CNNM3: variants seen among roughly 807,000 people sequenced by gnomAD.
CNNM3 encodes cyclin and CBS domain divalent metal cation transport mediator 3.
In CNNM3, 47 loss-of-function variants were observed where a neutral mutation model predicts 57.1. That is an observed-to-expected ratio of 0.82 (90% CI 0.65 to 1.05). The LOEUF (loss-of-function observed/expected upper bound fraction) is 1.05. CNNM3 is among the 50% of genes least tolerant of loss of function. CNNM3 has a pLI of 0.00. For missense variants in CNNM3, 957 were observed against 973.7 expected (o/e 0.98, Z 0.23); for synonymous variants, 507 against 478.2 (o/e 1.06, Z -0.79).
At chr2:96,828,753 G>A (rs1053583140) in intron 6 of CNNM3, 53 bp downstream of exon 6, 23 of 1,607,278 alleles carry the variant, frequency 1.4e-5, no homozygotes, top group Admixed American at 1.7e-5. Flanking sequence ...TTGTGTCACC[G>A]GGGGCTAGAC....
At chr2:96,826,718 T>C in intron 2 of CNNM3, 115 bp from the exon 3 acceptor site, 2 of 1,259,904 alleles carry the variant, frequency 1.6e-6, no homozygotes, top group Non-Finnish European at 2.2e-6. Flanking sequence ...CCGATGCTGC[T>C]CCATCGAGGA....
At chr2:96,827,973 G>T in intron 4 of CNNM3, 73 bp downstream of exon 4, 1 of 1,578,728 alleles carries the variant, frequency 6.3e-7, no homozygotes, top group Non-Finnish European at 8.7e-7. Context: ...GAAGAGGGGA[G>T]CAGGGGCATG....
At position 96,829,129 on chromosome 2, in the gene CNNM3, CG is replaced by C. The variant is rs745544210; in HGVS notation, c.2056del (p.Ala686GlnfsTer44). 6.2e-7 allele frequency: 1 copy of C among 1,613,750 alleles called. No homozygotes were observed. Among genetic ancestry groups the C allele is most frequent in the Non-Finnish European group, 8.5e-7 (1 of 1,179,934 alleles). ...TRLLGEKTTT[A>X]AGSSHSRPGV... The stretch of plus-strand genomic sequence containing the variant: ...CTCCTTGGTGAGAAGACCACCACAG[CG>C]GCAGGTGAGTGCCAAGTGGTACATC... On this transcript the variant is annotated frameshift_variant, in exon 7 of 8. Transcript: ENST00000305510. LOFTEE classifies it high-confidence loss of function.
rs188953264 is a variant in CNNM3, at chr2:96,834,117, C to T, written c.*1501C>T. Among the ~76,000 whole-genome samples the T allele has an allele frequency of 5.5e-4, 84 of 151,948 alleles. No individual in the cohort carries two copies. The highest frequency in any genetic ancestry group is 6.8e-3 in the Middle Eastern group (2 of 294). The stretch of plus-strand genomic sequence containing the variant: ...ATTTTTAGTAGAGATGGGGTTTCAC[C>T]ATGTTGGCCAGGCTGATCTTGAACT... On this transcript the variant is annotated 3_prime_UTR_variant, in exon 8 of 8. Coordinates refer to ENST00000305510, the MANE Select transcript of CNNM3 (RefSeq NM_017623.5).
At chr2:96,832,321 A>C in intron 7 of CNNM3, 1 of 983,762 alleles carries the variant, frequency 1.0e-6, no homozygotes, top group African/African-American at 1.8e-5. Context: ...ATGACCTGGG[A>C]CCCTCGGGGC....
At chr2:96,828,399 A>C in intron 5 of CNNM3, 168 bp from the exon 6 acceptor site, 1 of 953,494 alleles carries the variant, frequency 1.0e-6, no homozygotes, top group African/African-American at 1.6e-5. Context: ...CACCCCTGCA[A>C]AACCTCTCCC....
chr2:96,827,018 C>G, intron 3 of CNNM3, 36 bp downstream of exon 3: 1 of 1,603,734 alleles, frequency 6.2e-7, no homozygotes, highest in South Asian at 1.1e-5. Flanking sequence ...CCCTGCTCTC[C>G]TCACCGTTCT....
chr2:96,828,623 C>T lies in CNNM3; in HGVS notation c.1843C>T (p.Pro615Ser). ...QPIRHDLQPD[P>S]GDGTHSSAYC... The stretch of plus-strand genomic sequence containing the variant: ...CATCCGCCATGACCTGCAGCCCGAC[C>T]CAGGTGACGGCACGCATTCATCTGC... The change falls in exon 6 of 8, where the codon CCA becomes TCA. Residue 615 changes from proline to serine, a missense_variant. By Grantham distance (74) the Pro-to-Ser change is moderately conservative (BLOSUM62 -1). Coordinates refer to ENST00000305510, the MANE Select transcript of CNNM3 (RefSeq NM_017623.5). 1 of 1,614,186 alleles carries T rather than the reference C, an allele frequency of 6.2e-7. No individual in the cohort carries two copies. The highest frequency in any genetic ancestry group is 8.5e-7 in the Non-Finnish European group (1 of 1,180,032).
Position 96,817,083 on chromosome 2 carries a change from TCG to T in CNNM3, c.810_811del (p.Leu271AlafsTer153). The T allele has an allele frequency of 1.5e-6, 2 of 1,347,666 alleles. No homozygotes were observed. The highest frequency in any genetic ancestry group is 1.9e-6 in the Non-Finnish European group (2 of 1,057,364). 83.5% of individuals were successfully genotyped at this position (1,347,666 alleles called of 1,614,324 possible). A position where few individuals can be genotyped will look rare whatever the true frequency, so the allele number is the denominator to read the frequency against. On this transcript the variant is annotated frameshift_variant, in exon 1 of 8. Coordinates refer to ENST00000305510, the MANE Select transcript of CNNM3 (RefSeq NM_017623.5). LOFTEE classifies it high-confidence loss of function. ...CTGGCCGTCCTGCTCACTCTGCCCGTCGCGCTGCCCGTGGGGCAGCTGCTGGA... is the reference window on the plus strand; with the variant it reads ...CTGGCCGTCCTGCTCACTCTGCCCGTCGCTGCCCGTGGGGCAGCTGCTGGA...
chr2:96,828,907 T>C, intron 6 of CNNM3, 89 bp from the exon 7 acceptor site: 2 of 1,570,364 alleles, frequency 1.3e-6, no homozygotes, highest in East Asian at 2.3e-5. Context: ...GTTGTGCCTC[T>C]GTCCTCTTCG....
In CNNM3 at chr2:96,825,162, A is replaced by T. The variant is rs975867468; in HGVS notation, c.1330A>T (p.Ile444Phe). ...LVTLEDVIEEIIRSEILDESE... is the reference protein window; with the variant it reads ...LVTLEDVIEEFIRSEILDESE... ...CACCCTGGAGGACGTGATCGAGGAG[A>T]TCATCAGGTCCGAGATCCTGGACGA... The change falls in exon 2 of 8, where the codon ATC (isoleucine) becomes TTC (phenylalanine). Residue 444 changes from isoleucine (I) to phenylalanine (F), a missense_variant. Transcript: ENST00000305510. 1.2e-6 allele frequency: 2 copies of T among 1,613,944 alleles called. No homozygotes were observed. Among genetic ancestry groups the T allele is most frequent in the African/African-American group, 1.3e-5 (1 of 74,902 alleles).
rs1267409943 is a variant in CNNM3 at position 96,832,923 on chromosome 2, G to A, written c.*307G>A. 1.4e-6 allele frequency: 2 copies of A among 1,428,034 alleles called. No homozygotes were observed. Among genetic ancestry groups the A allele is most frequent in the East Asian group, 3.2e-5 (1 of 31,122 alleles). The allele number at this position is 1,428,034 out of a possible 1,614,324, so 88.5% of individuals were successfully genotyped here. A position where few individuals can be genotyped will look rare whatever the true frequency, so the allele number is the denominator to read the frequency against. Reference sequence around the variant, plus strand: ...GCCCAGCCTTCCCCTTCTCCCCCGGGGCAGGGACAGTGCGGCATATTCAGA... The same window carrying A: ...GCCCAGCCTTCCCCTTCTCCCCCGGAGCAGGGACAGTGCGGCATATTCAGA... On this transcript the variant is annotated 3_prime_UTR_variant, in exon 8 of 8. Coordinates refer to ENST00000305510, the MANE Select transcript of CNNM3 (RefSeq NM_017623.5).
intron 1 of CNNM3, among the ~76,000 whole-genome samples, chr2:96,819,547 A>C (rs1179203414): frequency 6.6e-6 from 1 of 152,216 alleles, no homozygotes; most frequent in Non-Finnish European, 1.5e-5. Flanking sequence ...ATCCAGGAGC[A>C]AGGGGTGAAT....
At chr2:96,828,451 C>A (rs2079546849) in intron 5 of CNNM3, 116 bp from the exon 6 acceptor site, 2 of 1,314,222 alleles carry the variant, frequency 1.5e-6, no homozygotes, top group Non-Finnish European at 2.1e-6. Flanking sequence ...ATGCACATTG[C>A]CTCTCCAGAG....
At position 96,835,367 on chromosome 2, in the gene CNNM3, TACG is replaced by T. The variant is rs2079674963; in HGVS notation, c.*2754_*2756del. On this transcript the variant is annotated 3_prime_UTR_variant, in exon 8 of 8. Transcript: ENST00000305510. ...TTGGGGCTATTCCAAATAAAGCTGCTACGACTATTCATGTACAGGTTTCTGTGT... is the reference window on the plus strand; with the variant it reads ...TTGGGGCTATTCCAAATAAAGCTGCTACTATTCATGTACAGGTTTCTGTGT... Among the ~76,000 whole-genome samples, 1 of 152,218 alleles carries T rather than the reference TACG, an allele frequency of 6.6e-6. No homozygotes were observed. The highest frequency in any genetic ancestry group is 2.1e-4 in the South Asian group (1 of 4,834).
intron 2 of CNNM3, among the ~76,000 whole-genome samples, chr2:96,825,618 C>A (rs574842431): frequency 1.3e-5 from 2 of 152,310 alleles, no homozygotes; most frequent in South Asian, 4.1e-4. Flanking sequence ...AGAAAGTCTT[C>A]CTGGCTGGGC....
rs1469644123 is a variant in CNNM3 at position 96,834,913 on chromosome 2, C to G, written c.*2297C>G. ...ATAGGAAGTTGTAAAGGTAAGGGCC[C>G]CACGCACCCTTCATCTAGTTTCCCT... On this transcript the variant is annotated 3_prime_UTR_variant, in exon 8 of 8. Coordinates refer to ENST00000305510, the MANE Select transcript of CNNM3 (RefSeq NM_017623.5). 6.6e-6 allele frequency among the ~76,000 whole-genome samples: 1 copy of G among 152,106 alleles called. No individual in the cohort carries two copies. Among genetic ancestry groups the G allele is most frequent in the African/African-American group, 2.4e-5 (1 of 41,420 alleles).
chr2:96,822,005 ATTT>A (rs1201423556), intron 1 of CNNM3, among the ~76,000 whole-genome samples: 21 of 142,396 alleles, frequency 1.5e-4, no homozygotes, highest in East Asian at 2.0e-4. Flanking sequence ...TATTATTATT[ATTT>A]TTTTTTTTTT....
chr2:96,832,403 C>T (rs1307003571), intron 7 of CNNM3, 149 bp from the exon 8 acceptor site: 78 of 1,510,046 alleles, frequency 5.2e-5, no homozygotes, highest in South Asian at 1.3e-4. Context: ...GCTAACCAGT[C>T]GCTCCTGTTT....
Sources: gnomAD v4.1 joint callset for allele counts (sites outside exome capture counted in the v4.1 genomes callset) on GRCh38, gnomAD v4.1.1 for gene constraint, MANE v1.5 for transcripts, NCBI Gene and HGNC (gene_info 2026-07-23, HGNC 2026-07-21) for gene names.